FOXP1: variants seen among roughly 807,000 people sequenced by gnomAD.
FOXP1 encodes forkhead box protein P1.
In FOXP1, 15 loss-of-function variants were observed where a neutral mutation model predicts 98.2. The ratio of observed to expected loss-of-function variants is 0.15; its 90% CI spans 0.10 to 0.24. The LOEUF (loss-of-function observed/expected upper bound fraction) is 0.24. FOXP1 is among the 10% of genes least tolerant of loss of function. FOXP1 has a pLI of 1.00. For missense variants in FOXP1, 633 were observed against 848.5 expected (o/e 0.75, Z 3.15); for synonymous variants, 371 against 314.5 (o/e 1.18, Z -1.90).
chr3:71,411,753 C>A (rs990381366), intron 3 of FOXP1, among the ~76,000 whole-genome samples: 26 of 152,324 alleles, frequency 1.7e-4, no homozygotes, highest in African/African-American at 6.3e-4. Context: ...ACAAGCACCA[C>A]TGGCTTTTGA....
chr3:71,094,401 T>C (rs916965113), intron 7 of FOXP1, among the ~76,000 whole-genome samples: 2 of 149,994 alleles, frequency 1.3e-5, no homozygotes, highest in Non-Finnish European at 3.0e-5. Context: ...TGCCTCAGCC[T>C]CCCGAGTAGC....
chr3:71,319,699 G>C (rs1209733167), intron 4 of FOXP1, among the ~76,000 whole-genome samples: 2 of 152,110 alleles, frequency 1.3e-5, no homozygotes, highest in South Asian at 2.1e-4. Flanking sequence ...AGTCCCTTTT[G>C]TTTGATCCAT....
intron 5 of FOXP1, among the ~76,000 whole-genome samples, chr3:71,288,809 C>A (rs1379035472): frequency 1.3e-5 from 2 of 152,068 alleles, no homozygotes; most frequent in Non-Finnish European, 2.9e-5. Flanking sequence ...ATTACTATTC[C>A]TGGAAAAATA....
intron 6 of FOXP1, among the ~76,000 whole-genome samples, chr3:71,144,027 T>C (rs1232000523): frequency 2.0e-5 from 3 of 152,190 alleles, no homozygotes; most frequent in Non-Finnish European, 4.4e-5. Flanking sequence ...CCACATAATT[T>C]TACTTTTACA....
intron 3 of FOXP1, among the ~76,000 whole-genome samples, chr3:71,363,520 A>T (rs1198835279): frequency 1.3e-5 from 2 of 152,204 alleles, no homozygotes; most frequent in Non-Finnish European, 2.9e-5. Context: ...CTAATTTTTT[A>T]AATATATTTA....
At chr3:71,379,169 A>G (rs1252504659) in intron 3 of FOXP1, among the ~76,000 whole-genome samples, 1 of 151,908 alleles carries the variant, frequency 6.6e-6, no homozygotes, top group Admixed American at 6.6e-5. Flanking sequence ...CTCTATTTGT[A>G]TCTATATTTT....
rs906903466 is a variant in FOXP1, at chr3:70,957,481, CAG to C, written c.*1764_*1765del. On this transcript the variant is annotated 3_prime_UTR_variant, in exon 21 of 21. Transcript: ENST00000649528. ...TGGCTTCATCAGATAAAGCATAAAACAGAGAACATAATTTACCTTTGTGTAAT... is the reference window on the plus strand; with the variant it reads ...TGGCTTCATCAGATAAAGCATAAAACAGAACATAATTTACCTTTGTGTAAT... 8 of 230,304 alleles carry C rather than the reference CAG, an allele frequency of 3.5e-5. No homozygotes were observed. The highest frequency in any genetic ancestry group is 1.3e-4 in the African/African-American group (6 of 45,156). 14.3% of individuals were successfully genotyped at this position (230,304 alleles called of 1,614,324 possible). A position where few individuals can be genotyped will look rare whatever the true frequency, so the allele number is the denominator to read the frequency against.
At chr3:71,215,481 A>G (rs971630297) in intron 5 of FOXP1, among the ~76,000 whole-genome samples, 6 of 152,236 alleles carry the variant, frequency 3.9e-5, no homozygotes, top group African/African-American at 1.4e-4. Flanking sequence ...TTCTGAGAGC[A>G]CAGAGGAATA....
chr3:71,309,986 T>C (rs2074570500), intron 4 of FOXP1, among the ~76,000 whole-genome samples: 1 of 152,226 alleles, frequency 6.6e-6, no homozygotes, highest in Non-Finnish European at 1.5e-5. Context: ...TGGTGGGTTG[T>C]TTCCCCAACT....
intron 6 of FOXP1, among the ~76,000 whole-genome samples, chr3:71,138,926 T>G (rs1157617398): frequency 6.6e-6 from 1 of 152,184 alleles, no homozygotes; most frequent in Non-Finnish European, 1.5e-5. Flanking sequence ...AAAAAAGATA[T>G]TTATTACCTA....
chr3:71,267,196 A>G (rs2069776759), intron 5 of FOXP1, among the ~76,000 whole-genome samples: 1 of 151,954 alleles, frequency 6.6e-6, no homozygotes. Flanking sequence ...AGAATATACC[A>G]TAAATTTTGT....
chr3:71,373,134 T>A (rs760699768), intron 3 of FOXP1, among the ~76,000 whole-genome samples: 24 of 152,220 alleles, frequency 1.6e-4, no homozygotes, highest in Non-Finnish European at 2.6e-4. Flanking sequence ...CGTAATTTTG[T>A]CACAGGTGTT....
At chr3:70,960,149 C>T (rs148399607) in intron 20 of FOXP1, among the ~76,000 whole-genome samples, 1 of 152,146 alleles carries the variant, frequency 6.6e-6, no homozygotes, top group Non-Finnish European at 1.5e-5. Flanking sequence ...CAAAGAGACA[C>T]CATGATATAC....
At chr3:71,211,802 G>A (rs2064489974) in intron 5 of FOXP1, among the ~76,000 whole-genome samples, 1 of 152,056 alleles carries the variant, frequency 6.6e-6, no homozygotes, top group Non-Finnish European at 1.5e-5. Context: ...CAAGCCCCAT[G>A]CATTCACTTT....
chr3:71,479,801 C>T (rs540386089), intron 3 of FOXP1, among the ~76,000 whole-genome samples: 1 of 152,134 alleles, frequency 6.6e-6, no homozygotes, highest in East Asian at 1.9e-4. Context: ...ACATGAACAA[C>T]TAATCTTGGT....
At chr3:71,206,825 G>C (rs2064073619) in intron 5 of FOXP1, among the ~76,000 whole-genome samples, 1 of 152,098 alleles carries the variant, frequency 6.6e-6, no homozygotes, top group Non-Finnish European at 1.5e-5. Context: ...AGCTCTGGTG[G>C]GTCTTGGTTC....
chr3:71,010,924 T>C (rs2107696118), intron 12 of FOXP1, among the ~76,000 whole-genome samples: 1 of 148,360 alleles, frequency 6.7e-6, no homozygotes, highest in East Asian at 2.1e-4. Context: ...TTCGGTTCAA[T>C]GGAAAACAAA....
At chr3:71,293,479 T>TAAAA (rs10642015) in intron 5 of FOXP1, among the ~76,000 whole-genome samples, 9 of 143,184 alleles carry the variant, frequency 6.3e-5, no homozygotes, top group South Asian at 4.5e-4. Flanking sequence ...CCCCATTTCT[T>TAAAA]AAAAAAAAAA....
At chr3:71,286,242 C>T (rs572567469) in intron 5 of FOXP1, among the ~76,000 whole-genome samples, 4 of 152,130 alleles carry the variant, frequency 2.6e-5, no homozygotes, top group Non-Finnish European at 5.9e-5. Context: ...GACTGTACTT[C>T]ATTGATTGGC....
Sources: gnomAD v4.1 joint callset for allele counts (sites outside exome capture counted in the v4.1 genomes callset) on GRCh38, gnomAD v4.1.1 for gene constraint, MANE v1.5 for transcripts, NCBI Gene and HGNC (gene_info 2026-07-23, HGNC 2026-07-21) for gene names.